GPHN: variants seen among roughly 807,000 people sequenced by gnomAD.
GPHN encodes gephyrin.
Under a neutral mutation model 95.5 loss-of-function variants are expected in GPHN, and 17 were observed. That is an observed-to-expected ratio of 0.18 (90% CI 0.12 to 0.27). The LOEUF is 0.27. GPHN is among the 10% of genes least tolerant of loss of function. GPHN has a pLI of 1.00. For missense variants in GPHN, 660 were observed against 978.1 expected (o/e 0.67, Z 4.34); for synonymous variants, 320 against 322.5 (o/e 0.99, Z 0.08).
chr14:66,916,795 T>C (rs563379123), intron 6 of GPHN, among the ~76,000 whole-genome samples: 25 of 152,236 alleles, frequency 1.6e-4, no homozygotes, highest in Admixed American at 5.9e-4. Context: ...AGACTCTCTT[T>C]GGGTACTGTT....
At chr14:66,937,421 G>A (rs936736429) in intron 8 of GPHN, among the ~76,000 whole-genome samples, 5 of 148,066 alleles carry the variant, frequency 3.4e-5, no homozygotes, top group East Asian at 4.0e-4. Context: ...TCCTTCTGTC[G>A]CCAGGCTGGA....
chr14:67,703,325 T>TA, the GPHN span, among the ~76,000 whole-genome samples: 4 of 152,254 alleles, frequency 2.6e-5, no homozygotes, highest in Non-Finnish European at 4.4e-5. Context: ...AGTTTTATTT[T>TA]AAAAATCTTT....
intron 1 of GPHN, among the ~76,000 whole-genome samples, chr14:66,581,810 T>C (rs190886920): frequency 1.5e-3 from 232 of 152,104 alleles, no homozygotes; most frequent in Non-Finnish European, 2.4e-3. Context: ...AAAGGTCATA[T>C]AATGTAAAGG....
chr14:66,544,742 G>T (rs570161938), intron 1 of GPHN, among the ~76,000 whole-genome samples: 1 of 152,000 alleles, frequency 6.6e-6, no homozygotes, highest in Non-Finnish European at 1.5e-5. Flanking sequence ...GTGGCCTTCC[G>T]CAGTGTTTGT....
chr14:66,592,373 A>G (rs878871262), intron 1 of GPHN, among the ~76,000 whole-genome samples: 1 of 152,052 alleles, frequency 6.6e-6, no homozygotes, highest in Admixed American at 6.5e-5. Flanking sequence ...GGCAGACTAC[A>G]GAATGGGAGA....
chr14:67,399,432 A>C, the GPHN span, among the ~76,000 whole-genome samples: 3 of 134,128 alleles, frequency 2.2e-5, no homozygotes, highest in Admixed American at 7.6e-5. Context: ...AGAGAAGGGT[A>C]GTTTAGGTGG....
the GPHN span, chr14:67,575,768 G>A: frequency 7.5e-7 from 1 of 1,327,460 alleles, no homozygotes; most frequent in South Asian, 1.3e-5. Context: ...TCAGAGAGAG[G>A]AGACTCCCTC....
the GPHN span, chr14:67,323,572 C>T: frequency 1.1e-5 from 3 of 262,818 alleles, no homozygotes; most frequent in Admixed American, 5.4e-5. Context: ...TGTGATCACA[C>T]CACTGCACTC....
intron 1 of GPHN, among the ~76,000 whole-genome samples, chr14:66,550,617 C>A (rs2059774766): frequency 2.0e-5 from 3 of 152,196 alleles, no homozygotes. Flanking sequence ...AAAATTCTAT[C>A]AAACAGCATT....
chr14:67,099,980 A>G (rs930153907), intron 12 of GPHN, among the ~76,000 whole-genome samples: 8 of 152,144 alleles, frequency 5.3e-5, no homozygotes, highest in South Asian at 2.1e-4. Context: ...AAGCCACATC[A>G]TATGTCAAGA....
chr14:66,841,022 GATATAGATA>G (rs1567006808), intron 4 of GPHN, among the ~76,000 whole-genome samples: 51 of 142,506 alleles, frequency 3.6e-4, no homozygotes, highest in African/African-American at 1.3e-3. Flanking sequence ...TATAGATATA[GATATAGATA>G]TAGGTATAGA....
At chr14:66,785,697 T>C (rs1297208024) in intron 3 of GPHN, among the ~76,000 whole-genome samples, 1 of 104,134 alleles carries the variant, frequency 9.6e-6, no homozygotes, top group Admixed American at 1.1e-4. Context: ...CCTCTGACCA[T>C]AATGGAACCA....
the GPHN span, among the ~76,000 whole-genome samples, chr14:67,207,925 T>C: frequency 6.6e-6 from 1 of 152,162 alleles, no homozygotes; most frequent in African/African-American, 2.4e-5. Context: ...GTACTGTAAT[T>C]AGATGCCAAC....
At chr14:67,716,196 C>CAAA in the GPHN span, among the ~76,000 whole-genome samples, 3 of 108,726 alleles carry the variant, frequency 2.8e-5, no homozygotes, top group Non-Finnish European at 3.8e-5. Context: ...GACTCCGTCT[C>CAAA]AAAAAAAAAA....
chr14:66,613,417 C>T (rs2153291867), intron 1 of GPHN, among the ~76,000 whole-genome samples: 1 of 152,150 alleles, frequency 6.6e-6, no homozygotes, highest in South Asian at 2.1e-4. Context: ...CAACAAAATG[C>T]ATCACAACTT....
rs559506208 is a variant in GPHN, at chr14:66,563,821, C to T, written c.64+55230C>T. Reference sequence around the variant, plus strand: ...TTCTGATTGCTTGCATTTCCATTCACTGGATGCTTATCATTCTCTTAAGTG... The same window carrying T: ...TTCTGATTGCTTGCATTTCCATTCATTGGATGCTTATCATTCTCTTAAGTG... On this transcript the variant is annotated intron_variant, in intron 1 of 22. Coordinates refer to ENST00000478722, the MANE Select transcript of GPHN (RefSeq NM_020806.5). Among the ~76,000 whole-genome samples, 4 of 152,228 alleles carry T rather than the reference C, an allele frequency of 2.6e-5. No homozygotes were observed. In the South Asian group the frequency reaches 8.3e-4, roughly 32 times the overall value.
At chr14:67,673,648 G>A in the GPHN span, among the ~76,000 whole-genome samples, 1 of 152,128 alleles carries the variant, frequency 6.6e-6, no homozygotes, top group Admixed American at 6.5e-5. Flanking sequence ...GTAATTCGTT[G>A]AGCAAACACC....
At chr14:67,358,938 G>C in the GPHN span, among the ~76,000 whole-genome samples, 4 of 152,144 alleles carry the variant, frequency 2.6e-5, no homozygotes, top group Non-Finnish European at 5.9e-5. Flanking sequence ...TATGGATTAA[G>C]ACACTCTTTC....
chr14:66,786,851 A>G (rs147844749), intron 3 of GPHN, among the ~76,000 whole-genome samples: 8 of 152,238 alleles, frequency 5.3e-5, no homozygotes, highest in Non-Finnish European at 1.0e-4. Flanking sequence ...ACTCTCAGCA[A>G]ACTAGGACTA....
Sources: gnomAD v4.1 joint callset for allele counts (sites outside exome capture counted in the v4.1 genomes callset) on GRCh38, gnomAD v4.1.1 for gene constraint, MANE v1.5 for transcripts, NCBI Gene and HGNC (gene_info 2026-07-23, HGNC 2026-07-21) for gene names.